The following STIMATE variants were observed in gnomAD, a reference collection of about 807,000 sequenced individuals.
STIMATE encodes the protein store-operated calcium entry regulator STIMATE.
STIMATE carries 15 observed loss-of-function variants against 36.7 expected under a neutral mutation model. The ratio of observed to expected loss-of-function variants is 0.41; its 90% CI spans 0.27 to 0.63. The LOEUF (loss-of-function observed/expected upper bound fraction) is 0.63, where lower values mean the gene tolerates loss of function less well. STIMATE is among the 20% of genes least tolerant of loss of function. STIMATE has a pLI of 0.32. For synonymous variants in STIMATE, 163 were observed against 162.3 expected (o/e 1.00, Z -0.03); for missense variants, 305 against 397.3 (o/e 0.77, Z 1.98).
Position 52,840,649 on chromosome 3 carries a change from C to A in STIMATE, c.769-39G>T, listed in dbSNP as rs777627623. The A allele has an allele frequency of 3.8e-6, 6 of 1,587,654 alleles. No individual in the cohort carries two copies. The East Asian group carries it at 1.1e-4, about 30-fold the overall frequency. On this transcript the variant is annotated intron_variant, in intron 7 of 7. Transcript: ENST00000355083. ...GAGGCAGGGCCTGAGTCACCCCCAGCAGGGCCTTCTTCATTTGCCCTCCCT... is the reference window on the plus strand; with the variant it reads ...GAGGCAGGGCCTGAGTCACCCCCAGAAGGGCCTTCTTCATTTGCCCTCCCT...
At chr3:52,887,993 A>ATTTTTTT (rs1373427637) in intron 1 of STIMATE, among the ~76,000 whole-genome samples, 2 of 19,900 alleles carry the variant, frequency 1.0e-4, no homozygotes, top group Non-Finnish European at 1.3e-4. Flanking sequence ...TAACAGAATC[A>ATTTTTTT]GTTTTTTTTT....
chr3:52,854,431 C>A (rs1189397337), intron 2 of STIMATE, among the ~76,000 whole-genome samples: 1 of 152,196 alleles, frequency 6.6e-6, no homozygotes, highest in East Asian at 1.9e-4. Context: ...ACATGATGAA[C>A]CCTCCATAAA....
chr3:52,856,879 T>C (rs1701107974), intron 1 of STIMATE, among the ~76,000 whole-genome samples: 1 of 152,204 alleles, frequency 6.6e-6, no homozygotes, highest in South Asian at 2.1e-4. Context: ...TATCCTCCAC[T>C]GAGGTGCTAG....
intron 1 of STIMATE, among the ~76,000 whole-genome samples, chr3:52,887,208 T>C (rs922994289): frequency 4.6e-5 from 7 of 152,218 alleles, no homozygotes; most frequent in African/African-American, 1.7e-4. Context: ...AAAGAACACC[T>C]GTGTCCTTAG....
intron 1 of STIMATE, among the ~76,000 whole-genome samples, chr3:52,859,531 A>AAAAAAAAAAAAATT (rs748928249): frequency 1.1e-4 from 2 of 18,810 alleles, no homozygotes; most frequent in African/African-American, 1.3e-4. Context: ...AAAAAAAAAA[A>AAAAAAAAAAAAATT]TTTTTTTTTT....
intron 7 of STIMATE, 100 bp from the exon 8 acceptor site, chr3:52,840,710 T>C (rs1427079233): frequency 2.7e-5 from 32 of 1,191,208 alleles, no homozygotes; most frequent in African/African-American, 4.6e-5. Context: ...GTTTTTTTTT[T>C]TTTTTTTTGG....
chr3:52,887,162 T>C (rs902959240), intron 1 of STIMATE, among the ~76,000 whole-genome samples: 1 of 152,262 alleles, frequency 6.6e-6, no homozygotes, highest in Non-Finnish European at 1.5e-5. Flanking sequence ...TAATGTTAAA[T>C]TTCCTGAGTT....
intron 1 of STIMATE, among the ~76,000 whole-genome samples, chr3:52,856,827 C>T (rs1049569501): frequency 2.0e-5 from 3 of 152,198 alleles, no homozygotes; most frequent in Admixed American, 6.5e-5. Flanking sequence ...TCTGTAGACA[C>T]GATGGCCTGA....
At chr3:52,895,727 A>G (rs928169863) in intron 1 of STIMATE, among the ~76,000 whole-genome samples, 1 of 152,220 alleles carries the variant, frequency 6.6e-6, no homozygotes, top group Non-Finnish European at 1.5e-5. Flanking sequence ...CCGGGCCATC[A>G]GCATCAATCA....
intron 1 of STIMATE, among the ~76,000 whole-genome samples, chr3:52,882,579 T>C (rs1701623576): frequency 6.6e-6 from 1 of 152,190 alleles, no homozygotes; most frequent in East Asian, 1.9e-4. Context: ...TTGACCTACT[T>C]GGCTAACAGC....
At chr3:52,855,343 A>G in intron 2 of STIMATE, 53 bp downstream of exon 2, 1 of 1,584,500 alleles carries the variant, frequency 6.3e-7, no homozygotes, top group South Asian at 1.1e-5. Context: ...CAGCCCCAAG[A>G]CCCCCAACAT....
rs554499606 is a variant in STIMATE at position 52,845,204 on chromosome 3, TA to T, written c.428-264del. Among the ~76,000 whole-genome samples the T allele has an allele frequency of 4.0e-3, 613 of 152,364 alleles. 2 individuals are homozygous for T. Among genetic ancestry groups the T allele is most frequent in the Non-Finnish European group, 7.5e-3 (510 of 68,026 alleles). On this transcript the variant is annotated intron_variant, in intron 4 of 7. Transcript: ENST00000355083. Reference sequence around the variant, plus strand: ...ATTCTAAGATAGGATTAAAAAGCACTAAAGTTAGGAAGTGCTCATTGCTGGA... The same window carrying T: ...ATTCTAAGATAGGATTAAAAAGCACTAAGTTAGGAAGTGCTCATTGCTGGA...
At chr3:52,852,755 T>C in intron 2 of STIMATE, 57 bp from the exon 3 acceptor site, 1 of 1,596,410 alleles carries the variant, frequency 6.3e-7, no homozygotes, top group Non-Finnish European at 8.5e-7. Flanking sequence ...ATATCCAATT[T>C]GAGGAAAACG....
intron 1 of STIMATE, among the ~76,000 whole-genome samples, chr3:52,889,146 GAGA>G (rs1221876541): frequency 3.3e-5 from 5 of 152,322 alleles, no homozygotes; most frequent in African/African-American, 9.6e-5. Flanking sequence ...TAAGTCAGCG[GAGA>G]AGGCTTCTCA....
chr3:52,867,579 T>C (rs370085332), intron 1 of STIMATE, among the ~76,000 whole-genome samples: 1 of 152,220 alleles, frequency 6.6e-6, no homozygotes, highest in Non-Finnish European at 1.5e-5. Context: ...CCCCATGGCA[T>C]GTTGCTGAAC....
chr3:52,843,009 A>C, intron 6 of STIMATE, 49 bp from the exon 7 acceptor site: 1 of 1,612,216 alleles, frequency 6.2e-7, no homozygotes, highest in Non-Finnish European at 8.5e-7. Flanking sequence ...CATTTTTCAA[A>C]GCAAAGCCGA....
In STIMATE at chr3:52,840,444, C is replaced by T. The variant is rs1158653028; in HGVS notation, c.*50G>A. 1 of 1,597,778 alleles carries T rather than the reference C, an allele frequency of 6.3e-7. No individual in the cohort carries two copies. The highest frequency in any genetic ancestry group is 2.2e-5 in the East Asian group (1 of 44,712). On this transcript the variant is annotated 3_prime_UTR_variant, in exon 8 of 8. Transcript: ENST00000355083. ...GAACGATGCTGCGGGATGACCTCTG[C>T]ACACCAGCGGCTGGCGGGGCCCTCC...
At chr3:52,891,354 G>C (rs908390191) in intron 1 of STIMATE, among the ~76,000 whole-genome samples, 5 of 152,204 alleles carry the variant, frequency 3.3e-5, no homozygotes, top group Admixed American at 1.3e-4. Flanking sequence ...GTTCCTGTGA[G>C]GGGGGTTGGC....
At chr3:52,888,240 C>T (rs548034950) in intron 1 of STIMATE, among the ~76,000 whole-genome samples, 9 of 152,076 alleles carry the variant, frequency 5.9e-5, no homozygotes, top group African/African-American at 1.9e-4. Context: ...TAACATACAA[C>T]GGGCTGCCTC....
Sources: gnomAD v4.1 joint callset for allele counts (sites outside exome capture counted in the v4.1 genomes callset) on GRCh38, gnomAD v4.1.1 for gene constraint, MANE v1.5 for transcripts, NCBI Gene and HGNC (gene_info 2026-07-23, HGNC 2026-07-21) for gene names.